The following GALNT13 variants were observed in gnomAD, a reference collection of about 807,000 sequenced individuals.
GALNT13 encodes polypeptide N-acetylgalactosaminyltransferase 13, also known as UDP-GalNAc:polypeptide N-acetylgalactosaminyltransferase 13.
GALNT13 carries 28 observed loss-of-function variants against 64.2 expected under a neutral mutation model. The ratio of observed to expected loss-of-function variants is 0.44; its 90% CI spans 0.32 to 0.60. The LOEUF (loss-of-function observed/expected upper bound fraction) is 0.60, where lower values mean the gene tolerates loss of function less well. Ranked by LOEUF, GALNT13 falls within the 20% of genes least tolerant of loss-of-function variation. The probability of loss-of-function intolerance (pLI) is 0.05; values close to 1 mark genes in which losing one functional copy is unlikely to be tolerated. For missense variants in GALNT13, 577 were observed against 669.8 expected (o/e 0.86, Z 1.53); for synonymous variants, 214 against 224.6 (o/e 0.95, Z 0.42).
chr2:153,085,214 G>A, the GALNT13 span, among the ~76,000 whole-genome samples: 1 of 152,152 alleles, frequency 6.6e-6, no homozygotes, highest in Non-Finnish European at 1.5e-5. Flanking sequence ...ATTAAGCAGA[G>A]CGTAAAAGTT....
chr2:154,035,450 T>C (rs563532338), intron 3 of GALNT13, among the ~76,000 whole-genome samples: 2 of 152,068 alleles, frequency 1.3e-5, no homozygotes, highest in Non-Finnish European at 2.9e-5. Context: ...CACTGCAAGT[T>C]GTTTCTCCAT....
At chr2:154,027,516 C>T (rs772207247) in intron 3 of GALNT13, among the ~76,000 whole-genome samples, 4 of 152,060 alleles carry the variant, frequency 2.6e-5, no homozygotes, top group Admixed American at 2.6e-4. Flanking sequence ...ACACTTCAGA[C>T]ATTAATCCAT....
chr2:154,413,538 T>A (rs987205678), intron 11 of GALNT13, among the ~76,000 whole-genome samples: 1 of 151,976 alleles, frequency 6.6e-6, no homozygotes, highest in Admixed American at 6.6e-5. Context: ...AAACCCCTCA[T>A]AATTGTATCC....
chr2:154,225,648 A>G (rs1198005603), intron 4 of GALNT13, among the ~76,000 whole-genome samples: 1 of 152,146 alleles, frequency 6.6e-6, no homozygotes, highest in African/African-American at 2.4e-5. Context: ...ACAAAGGGAG[A>G]TTAACAGGAA....
chr2:153,095,581 T>G, the GALNT13 span, among the ~76,000 whole-genome samples: 1 of 152,194 alleles, frequency 6.6e-6, no homozygotes, highest in Non-Finnish European at 1.5e-5. Flanking sequence ...TAAAGACACA[T>G]GCACACATAT....
intron 1 of GALNT13, among the ~76,000 whole-genome samples, chr2:153,896,081 A>ATATTTTTTTTTTTTTTTTTTT (rs1574065409): frequency 2.2e-5 from 3 of 136,866 alleles, no homozygotes; most frequent in East Asian, 2.2e-4. Flanking sequence ...ATGATTTTAT[A>ATATTTTTTTTTTTTTTTTTTT]TTTTTATGTT....
chr2:154,418,044 A>G (rs1244023046), intron 11 of GALNT13, among the ~76,000 whole-genome samples: 1 of 152,184 alleles, frequency 6.6e-6, no homozygotes, highest in Non-Finnish European at 1.5e-5. Flanking sequence ...GCAAAAATAA[A>G]TTGTAGTCTT....
At chr2:153,451,152 A>C in the GALNT13 span, among the ~76,000 whole-genome samples, 2 of 152,168 alleles carry the variant, frequency 1.3e-5, no homozygotes, top group East Asian at 3.8e-4. Context: ...GAAACTATAA[A>C]AATAATCTAA....
At chr2:153,370,442 C>T in the GALNT13 span, among the ~76,000 whole-genome samples, 1 of 152,054 alleles carries the variant, frequency 6.6e-6, no homozygotes, top group African/African-American at 2.4e-5. Flanking sequence ...TGAAATCCAG[C>T]AATCTATACA....
At chr2:153,705,076 T>C in the GALNT13 span, among the ~76,000 whole-genome samples, 1 of 152,218 alleles carries the variant, frequency 6.6e-6, no homozygotes, top group Non-Finnish European at 1.5e-5. Flanking sequence ...TTGACTGTAC[T>C]AAATATTTTG....
chr2:154,374,807 A>AT (rs924824758), intron 9 of GALNT13, among the ~76,000 whole-genome samples: 2 of 152,096 alleles, frequency 1.3e-5, no homozygotes. Context: ...CCAGATTTTT[A>AT]TTTTTTTAAC....
the GALNT13 span, among the ~76,000 whole-genome samples, chr2:153,107,075 C>T: frequency 6.6e-6 from 1 of 152,134 alleles, no homozygotes; most frequent in Non-Finnish European, 1.5e-5. Flanking sequence ...CTTTGTGTTT[C>T]TGTTTATCTG....
chr2:153,791,980 G>A, the GALNT13 span, among the ~76,000 whole-genome samples: 1 of 152,066 alleles, frequency 6.6e-6, no homozygotes, highest in Non-Finnish European at 1.5e-5. Flanking sequence ...TAGTACCTGG[G>A]TGATGAAATA....
At chr2:154,080,521 A>AT (rs1308145438) in intron 3 of GALNT13, among the ~76,000 whole-genome samples, 1 of 151,530 alleles carries the variant, frequency 6.6e-6, no homozygotes, top group African/African-American at 2.4e-5. Flanking sequence ...AAGTTTTAGA[A>AT]TTTTTCCATT....
the GALNT13 span, among the ~76,000 whole-genome samples, chr2:153,736,970 C>G: frequency 1.6e-4 from 25 of 152,198 alleles, no homozygotes; most frequent in Non-Finnish European, 3.5e-4. Flanking sequence ...TTTCCCACTG[C>G]CACCATCACT....
intron 8 of GALNT13, among the ~76,000 whole-genome samples, chr2:154,292,657 A>G (rs914462450): frequency 6.6e-6 from 1 of 152,172 alleles, no homozygotes; most frequent in Non-Finnish European, 1.5e-5. Context: ...ACTCATAATC[A>G]TTGTACTATA....
At chr2:154,406,128 C>T (rs1300004821) in intron 10 of GALNT13, among the ~76,000 whole-genome samples, 4 of 152,128 alleles carry the variant, frequency 2.6e-5, no homozygotes, top group African/African-American at 7.2e-5. Flanking sequence ...TTTGCCCACT[C>T]GTTCAGGCCC....
the GALNT13 span, among the ~76,000 whole-genome samples, chr2:153,103,455 G>A: frequency 6.6e-6 from 1 of 152,172 alleles, no homozygotes; most frequent in African/African-American, 2.4e-5. Flanking sequence ...TACTGTATGT[G>A]TGATGAAAAG....
chr2:154,204,989 A>G (rs536811647), intron 4 of GALNT13, among the ~76,000 whole-genome samples: 5 of 152,270 alleles, frequency 3.3e-5, no homozygotes, highest in East Asian at 3.9e-4. Context: ...CATATGTCCC[A>G]TATGTGTAAA....
Sources: allele counts gnomAD v4.1 joint callset (sites outside exome capture counted in the v4.1 genomes callset), GRCh38; gene constraint gnomAD v4.1.1; transcripts MANE v1.5; gene names NCBI Gene and HGNC (gene_info 2026-07-23, HGNC 2026-07-21).